MRPS28: variants seen among roughly 807,000 people sequenced by gnomAD.
MRPS28 encodes the protein mitochondrial ribosomal protein S28.
In MRPS28, 7 loss-of-function variants were observed where a neutral mutation model predicts 10.8. The observed-to-expected ratio is 0.65, with a 90% CI of 0.37 to 1.22. MRPS28 has a LOEUF of 1.22. Ranked by LOEUF, MRPS28 falls within the 50% of genes most tolerant of loss-of-function variation. The pLI is 0.02. For missense variants in MRPS28, 265 were observed against 232.9 expected (o/e 1.14, Z -0.90); for synonymous variants, 121 against 93.3 (o/e 1.30, Z -1.71).
At chr8:80,008,747 A>G (rs1319439106) in intron 1 of MRPS28, among the ~76,000 whole-genome samples, 1 of 152,264 alleles carries the variant, frequency 6.6e-6, no homozygotes, top group Non-Finnish European at 1.5e-5. Flanking sequence ...ACCAGTTAGA[A>G]TGGTGATCAT....
At chr8:79,975,259 T>G (rs530369346) in intron 2 of MRPS28, among the ~76,000 whole-genome samples, 67 of 152,254 alleles carry the variant, frequency 4.4e-4, no homozygotes, top group Middle Eastern at 3.4e-3. Flanking sequence ...GTCATGCTAC[T>G]GCACTCCAGC....
chr8:79,944,135 A>C (rs147969841), intron 2 of MRPS28, among the ~76,000 whole-genome samples: 315 of 152,360 alleles, frequency 2.1e-3, no homozygotes, highest in African/African-American at 7.4e-3. Context: ...TTGTGAAATA[A>C]AAAGCATTTA....
rs1012249231 is a variant in MRPS28, at chr8:79,919,112, T to C, written c.432A>G (p.Leu144=). The C allele has an allele frequency of 3.7e-6, 6 of 1,606,526 alleles. No homozygotes were observed. The African/African-American group carries it at 4.0e-5, about 11-fold the overall frequency. ...YQKGTRVRLR[L]LDLELTSRFL... is the part of the protein sequence containing the mutation. ...ACCTAGACGTAAGTTCAAGATCTAA[T>C]AGCCGCAACCGGACCCTGGTTCCTT... Residue 144 remains leucine, a synonymous_variant, in exon 3 of 3, where the codon CTA becomes CTG. Coordinates refer to ENST00000276585, the MANE Select transcript of MRPS28 (RefSeq NM_014018.3).
intron 1 of MRPS28, 176 bp downstream of exon 1, chr8:80,029,860 C>G: frequency 1.3e-6 from 2 of 1,535,572 alleles, no homozygotes; most frequent in Non-Finnish European, 8.7e-7. Context: ...GGAAGAAAAA[C>G]ACCAAGCACA....
chr8:79,936,424 C>T (rs1390100934), intron 2 of MRPS28, among the ~76,000 whole-genome samples: 1 of 152,132 alleles, frequency 6.6e-6, no homozygotes, highest in African/African-American at 2.4e-5. Context: ...TAAATTAGCA[C>T]TACCTTTCTA....
chr8:80,024,116 G>A (rs1809438462), intron 1 of MRPS28, among the ~76,000 whole-genome samples: 1 of 152,086 alleles, frequency 6.6e-6, no homozygotes, highest in Non-Finnish European at 1.5e-5. Context: ...TATGGTCCCA[G>A]CTTCTCAGGA....
rs1563547835 is a variant in MRPS28, at chr8:80,030,254, C to T, written c.-6G>A. The T allele has an allele frequency of 1.2e-6, 2 of 1,614,140 alleles. No individual in the cohort carries two copies. The highest frequency in any genetic ancestry group is 1.7e-6 in the Non-Finnish European group (2 of 1,180,032). ...GTCCGACACAGCGCCGCCATGACTT[C>T]TTTACCTCTGACCTTTGACCTCCCC... On this transcript the variant is annotated 5_prime_UTR_variant, in exon 1 of 3. Transcript: ENST00000276585.
intron 1 of MRPS28, among the ~76,000 whole-genome samples, chr8:80,009,061 G>A (rs1403368760): frequency 6.6e-6 from 1 of 152,208 alleles, no homozygotes; most frequent in African/African-American, 2.4e-5. Flanking sequence ...TTAAGAAAAT[G>A]TGGCACATAT....
At chr8:80,014,257 A>G (rs919526472) in intron 1 of MRPS28, among the ~76,000 whole-genome samples, 2 of 152,214 alleles carry the variant, frequency 1.3e-5, no homozygotes, top group Non-Finnish European at 2.9e-5. Flanking sequence ...CAAGTGCATA[A>G]TATCTGGTAA....
At chr8:79,953,739 C>T (rs575569338) in intron 2 of MRPS28, among the ~76,000 whole-genome samples, 19 of 152,212 alleles carry the variant, frequency 1.2e-4, no homozygotes, top group African/African-American at 4.6e-4. Flanking sequence ...CATCAAGCTT[C>T]CACAAAAGAG....
chr8:79,966,829 A>T (rs965057541), intron 2 of MRPS28, among the ~76,000 whole-genome samples: 1 of 152,144 alleles, frequency 6.6e-6, no homozygotes, highest in African/African-American at 2.4e-5. Flanking sequence ...TTTTTTCATG[A>T]TAATAAACCT....
At chr8:79,985,746 T>C (rs1808138711) in intron 2 of MRPS28, among the ~76,000 whole-genome samples, 1 of 152,198 alleles carries the variant, frequency 6.6e-6, no homozygotes, top group African/African-American at 2.4e-5. Context: ...ACTCTCTGAA[T>C]AGACCAATAA....
chr8:79,991,909 GCTCTCTCTCTCTCTCTCT>G (rs33936648), intron 2 of MRPS28, among the ~76,000 whole-genome samples: 1,963 of 133,058 alleles, frequency 0.015, 27 homozygotes, highest in East Asian at 0.023. Context: ...CTTCCTCCTT[GCTCTCTCTCTCTCTCTCT>G]CTCTCTCTCT....
chr8:80,003,084 T>A lies in MRPS28; in HGVS notation c.310A>T (p.Ile104Phe), dbSNP rs768384432. 2 of 1,613,852 alleles carry A rather than the reference T, an allele frequency of 1.2e-6. No individual in the cohort carries two copies. The highest frequency in any genetic ancestry group is 4.5e-5 in the East Asian group (2 of 44,858). The part of the protein sequence containing the change: ...PAKDKLVIGR[I>F]FHIVENDLYI... ...AGATCATTCTCCACAATATGAAAGATCCGTCCAATGACCAGTTTATCCTTT... is the reference window on the plus strand; with the variant it reads ...AGATCATTCTCCACAATATGAAAGAACCGTCCAATGACCAGTTTATCCTTT... The change falls in exon 2 of 3, where the codon ATC becomes TTC. Residue 104 changes from isoleucine to phenylalanine, a missense_variant. By Grantham distance (21) the Ile-to-Phe change is conservative. Transcript: ENST00000276585.
At chr8:80,028,483 C>G (rs1368322620) in intron 1 of MRPS28, among the ~76,000 whole-genome samples, 1 of 152,006 alleles carries the variant, frequency 6.6e-6, no homozygotes, top group Non-Finnish European at 1.5e-5. Context: ...CCTCCCCCTA[C>G]AAAGACATCC....
chr8:79,947,760 G>A (rs1806961608), intron 2 of MRPS28, among the ~76,000 whole-genome samples: 1 of 145,238 alleles, frequency 6.9e-6, no homozygotes, highest in South Asian at 2.2e-4. Flanking sequence ...TCAGCCTCCC[G>A]AGTAGCTGGG....
chr8:79,957,512 C>T (rs1273607936), intron 2 of MRPS28: 2 of 141,826 alleles, frequency 1.4e-5, no homozygotes, highest in Non-Finnish European at 3.0e-5. Context: ...AAGTTCCAGA[C>T]CAGCTTGAGC....
intron 2 of MRPS28, among the ~76,000 whole-genome samples, chr8:79,919,937 T>TATCCCTCCC (rs1554567137): frequency 9.8e-6 from 1 of 102,166 alleles, no homozygotes; most frequent in Non-Finnish European, 1.9e-5. Context: ...CCTAATGCTA[T>TATCCCTCCC]CCCTCCCCCC....
chr8:80,005,900 A>C (rs1429009603), intron 1 of MRPS28, among the ~76,000 whole-genome samples: 2 of 152,226 alleles, frequency 1.3e-5, no homozygotes, highest in African/African-American at 4.8e-5. Context: ...GCCACTACTT[A>C]ATGGTAAAGG....
Sources: allele counts gnomAD v4.1 joint callset (sites outside exome capture counted in the v4.1 genomes callset), GRCh38; gene constraint gnomAD v4.1.1; transcripts MANE v1.5; gene names NCBI Gene and HGNC (gene_info 2026-07-23, HGNC 2026-07-21).